CACNA1E: variants seen among roughly 807,000 people sequenced by gnomAD.
CACNA1E encodes the protein calcium voltage-gated channel subunit alpha1 E, also known as voltage-dependent R-type calcium channel subunit alpha-1E.
In CACNA1E, 40 loss-of-function variants were observed where a neutral mutation model predicts 259.2. The observed-to-expected ratio is 0.15, with a 90% CI of 0.12 to 0.20. CACNA1E has a LOEUF of 0.20. Among genes scored for constraint, CACNA1E ranks in the 10% least tolerant of loss-of-function variants. The pLI, the probability that CACNA1E is intolerant of heterozygous loss-of-function variation, is 1.00. For missense variants in CACNA1E, 1,874 were observed against 3,040.1 expected (o/e 0.62, Z 9.02); for synonymous variants, 1,104 against 1,138.5 (o/e 0.97, Z 0.61).
chr1:181,385,567 T>C (rs970470499), intron 1 of CACNA1E, among the ~76,000 whole-genome samples: 2 of 152,206 alleles, frequency 1.3e-5, no homozygotes, highest in African/African-American at 4.8e-5. Context: ...GCATTGTAAA[T>C]AGCCAAAGCT....
chr1:181,354,585 G>C (rs1275214557), intron 1 of CACNA1E, among the ~76,000 whole-genome samples: 1 of 152,186 alleles, frequency 6.6e-6, no homozygotes, highest in African/African-American at 2.4e-5. Context: ...TCTTCTCTAT[G>C]GTTCAGGTTG....
chr1:181,484,470 A>G (rs953924363), intron 1 of CACNA1E, among the ~76,000 whole-genome samples: 22 of 152,350 alleles, frequency 1.4e-4, no homozygotes, highest in Admixed American at 9.1e-4. Context: ...TCAAGGCTCC[A>G]TGAGGGGATT....
chr1:181,796,785 C>T lies in CACNA1E; in HGVS notation c.6326C>T (p.Ala2109Val). 1 of 1,612,140 alleles carries T rather than the reference C, an allele frequency of 6.2e-7. No homozygotes were observed. Among genetic ancestry groups the T allele is most frequent in the Non-Finnish European group, 8.5e-7 (1 of 1,179,148 alleles). Residue 2109 changes from alanine to valine, a missense_variant, in exon 47 of 48, where the codon GCT becomes GTT. Ala to Val is a moderately conservative substitution (Grantham distance 64, BLOSUM62 0). Transcript: ENST00000367573. ...RCNSEERGTQ[A>V]DWESPERRQS... ...AATTCAGAAGAGCGAGGGACCCAGG[C>T]TGACTGGGAGTCCCCAGAGCGCCGT...
At chr1:181,606,369 C>T (rs1416006860) in intron 6 of CACNA1E, among the ~76,000 whole-genome samples, 1 of 152,148 alleles carries the variant, frequency 6.6e-6, no homozygotes, top group Non-Finnish European at 1.5e-5. Flanking sequence ...CCTTCTTTTT[C>T]CCTACTCCTT....
chr1:181,675,502 GA>G (rs1321929591), intron 7 of CACNA1E, among the ~76,000 whole-genome samples: 3 of 152,196 alleles, frequency 2.0e-5, no homozygotes, highest in African/African-American at 7.2e-5. Flanking sequence ...AAGAGAAGGG[GA>G]TGGGGAAGGA....
intron 1 of CACNA1E, among the ~76,000 whole-genome samples, chr1:181,386,314 A>AGG (rs147773689): frequency 0.011 from 1,669 of 152,284 alleles, 29 homozygotes; most frequent in African/African-American, 0.036. Flanking sequence ...CAAAAGGGGC[A>AGG]GGGGAGGTGT....
intron 6 of CACNA1E, among the ~76,000 whole-genome samples, chr1:181,626,818 T>C (rs573374026): frequency 1.3e-5 from 2 of 152,324 alleles, no homozygotes; most frequent in East Asian, 3.9e-4. Context: ...TTGCTTTCAT[T>C]GTACTGTTAA....
chr1:181,671,031 TTTA>T (rs1358849021), intron 7 of CACNA1E, among the ~76,000 whole-genome samples: 1 of 152,186 alleles, frequency 6.6e-6, no homozygotes, highest in Non-Finnish European at 1.5e-5. Context: ...CATTTATTCA[TTTA>T]TTATTATTGT....
chr1:181,705,932 T>A (rs75624537), intron 7 of CACNA1E, among the ~76,000 whole-genome samples: 82 of 152,286 alleles, frequency 5.4e-4, no homozygotes, highest in African/African-American at 1.9e-3. Flanking sequence ...ATGGTGGTGT[T>A]TCTGCTGCAT....
At chr1:181,792,419 TTG>T in intron 44 of CACNA1E, among the ~76,000 whole-genome samples, 1 of 152,346 alleles carries the variant, frequency 6.6e-6, no homozygotes, top group South Asian at 2.1e-4. Context: ...GTGGCCATGA[TTG>T]TGTGTGTGCA....
Position 181,710,973 on chromosome 1 carries a change from G to A in CACNA1E, c.1075G>A (p.Glu359Lys). ...CCACAGGGAATTTGCCAAAGAGAGA[G>A]AGAGAGTGGAGAACCGAAGGGCTTT... ...VLSGEFAKER[E>K]RVENRRAFMK... is the part of the protein sequence containing the mutation. Residue 359 changes from glutamate to lysine, a missense_variant, in exon 8 of 48, where the codon GAG (glutamate) becomes AAG (lysine). Transcript: ENST00000367573. 1 of 1,613,532 alleles carries A rather than the reference G, an allele frequency of 6.2e-7. No individual in the cohort carries two copies.
intron 2 of CACNA1E, among the ~76,000 whole-genome samples, chr1:181,470,110 CGAGA>C (rs907619662): frequency 1.3e-5 from 2 of 151,398 alleles, no homozygotes; most frequent in African/African-American, 4.9e-5. Context: ...AGCAAGAAAG[CGAGA>C]GAGAGAGCAC....
intron 2 of CACNA1E, among the ~76,000 whole-genome samples, chr1:181,464,339 G>GAT (rs1662014159): frequency 6.8e-6 from 1 of 148,098 alleles, no homozygotes. Context: ...TTCGTTTTTT[G>GAT]TTTTTTTTTT....
chr1:181,767,029 T>C (rs935998347), intron 35 of CACNA1E, among the ~76,000 whole-genome samples: 1 of 152,216 alleles, frequency 6.6e-6, no homozygotes, highest in Non-Finnish European at 1.5e-5. Flanking sequence ...TTCCTGTATA[T>C]GGTGACACCA....
At chr1:181,555,420 T>G (rs1648616217) in intron 3 of CACNA1E, among the ~76,000 whole-genome samples, 1 of 152,236 alleles carries the variant, frequency 6.6e-6, no homozygotes, top group Non-Finnish European at 1.5e-5. Flanking sequence ...ATATCGATCC[T>G]GGTCTGAGGG....
chr1:181,601,354 C>T (rs1215737297), intron 6 of CACNA1E, among the ~76,000 whole-genome samples: 10 of 152,160 alleles, frequency 6.6e-5, no homozygotes, highest in Admixed American at 6.5e-4. Context: ...AGACACTGCT[C>T]AGAACTGCTA....
intron 1 of CACNA1E, among the ~76,000 whole-genome samples, chr1:181,370,965 C>T (rs1557948969): frequency 6.6e-6 from 1 of 152,144 alleles, no homozygotes; most frequent in South Asian, 2.1e-4. Flanking sequence ...AATAACCATT[C>T]TGATTGGTGT....
chr1:181,360,227 C>T (rs796156186), intron 1 of CACNA1E, among the ~76,000 whole-genome samples: 20 of 152,304 alleles, frequency 1.3e-4, no homozygotes, highest in African/African-American at 4.6e-4. Context: ...TACCGTATGA[C>T]CCAGCACTTC....
chr1:181,516,076 C>T (rs1306854416), intron 3 of CACNA1E, among the ~76,000 whole-genome samples: 1 of 152,110 alleles, frequency 6.6e-6, no homozygotes, highest in African/African-American at 2.4e-5. Flanking sequence ...AAAATGAAAG[C>T]TGGGAGCTCA....
Sources: allele counts gnomAD v4.1 joint callset (sites outside exome capture counted in the v4.1 genomes callset), GRCh38; gene constraint gnomAD v4.1.1; transcripts MANE v1.5; gene names NCBI Gene and HGNC (gene_info 2026-07-23, HGNC 2026-07-21).